Variants in EFCAB11 observed in about 807,000 individuals in gnomAD.
EFCAB11 encodes the protein EF-hand calcium binding domain 11.
A neutral mutation model predicts 23.0 loss-of-function variants in EFCAB11; 14 were observed. The observed-to-expected ratio is 0.61, with a 90% CI of 0.40 to 0.95. The LOEUF is 0.95. EFCAB11 is among the 40% of genes least tolerant of loss of function. The pLI is 0.00. For missense variants in EFCAB11, 198 were observed against 195.8 expected, an observed-to-expected ratio of 1.01 and a Z score of -0.07; for synonymous variants, 65 against 66.6, an observed-to-expected ratio of 0.98 and a Z score of 0.11.
intron 3 of EFCAB11, among the ~76,000 whole-genome samples, chr14:89,948,980 G>A (rs569949188): frequency 2.9e-4 from 44 of 152,152 alleles, no homozygotes; most frequent in African/African-American, 9.6e-4. Flanking sequence ...AACCAAAAGA[G>A]TATAATTGGA....
intron 5 of EFCAB11, among the ~76,000 whole-genome samples, chr14:89,910,013 T>C (rs1193799782): frequency 1.3e-5 from 2 of 152,220 alleles, no homozygotes; most frequent in Non-Finnish European, 2.9e-5. Context: ...CTTTCAGGAT[T>C]AACCATCTTG....
chr14:89,803,907 T>C (rs1200225843), intron 5 of EFCAB11, among the ~76,000 whole-genome samples: 1 of 152,106 alleles, frequency 6.6e-6, no homozygotes, highest in Non-Finnish European at 1.5e-5. Flanking sequence ...TTTTACCTTT[T>C]TAAAGACATG....
At chr14:89,843,688 C>A (rs1596396812) in intron 5 of EFCAB11, among the ~76,000 whole-genome samples, 1 of 152,190 alleles carries the variant, frequency 6.6e-6, no homozygotes, top group Non-Finnish European at 1.5e-5. Flanking sequence ...ATTGGGGCAT[C>A]TTATACTTGC....
chr14:89,870,824 T>G (rs1888245196), intron 5 of EFCAB11, among the ~76,000 whole-genome samples: 1 of 149,920 alleles, frequency 6.7e-6, no homozygotes, highest in Non-Finnish European at 1.5e-5. Context: ...GCCTGTAGTC[T>G]AGCTACTGGG....
chr14:89,924,606 G>A (rs1478921222), intron 5 of EFCAB11: 37 of 1,534,348 alleles, frequency 2.4e-5, no homozygotes, highest in Non-Finnish European at 3.2e-5. Context: ...TTGATGGCAG[G>A]CAAAGTCAAG....
chr14:89,805,255 C>G (rs781689677), intron 5 of EFCAB11, among the ~76,000 whole-genome samples: 6 of 152,116 alleles, frequency 3.9e-5, no homozygotes, highest in Non-Finnish European at 7.4e-5. Flanking sequence ...GGGAACAGAC[C>G]CCCACCCCAA....
At chr14:89,931,289 C>G (rs748027435) in intron 5 of EFCAB11, 2 of 431,148 alleles carry the variant, frequency 4.6e-6, no homozygotes, top group Middle Eastern at 1.2e-3. Context: ...CTCTCCTGCC[C>G]CTACTCATAA....
In EFCAB11 at chr14:89,833,953, A is replaced by G. The variant is rs554954655; in HGVS notation, c.411-36629T>C. Among the ~76,000 whole-genome samples the G allele has an allele frequency of 2.4e-4, 37 of 152,350 alleles. No individual in the cohort carries two copies. The South Asian group carries it at 7.2e-3, about 30-fold the overall frequency. On this transcript the variant is annotated intron_variant, in intron 5 of 5. Coordinates refer to ENST00000316738, the MANE Select transcript of EFCAB11 (RefSeq NM_145231.4). ...TAGCTACACCACTTCTGTTGCTAACATATAGCCATATTAGTTCTGAAATAA... is the reference window on the plus strand; with the variant it reads ...TAGCTACACCACTTCTGTTGCTAACGTATAGCCATATTAGTTCTGAAATAA...
In EFCAB11 at chr14:89,860,065, C is replaced by T. The variant is rs149738490; in HGVS notation, c.411-62741G>A. Among the ~76,000 whole-genome samples the T allele has an allele frequency of 3.5e-3, 539 of 152,186 alleles. 5 individuals are homozygous for T. The highest frequency in any genetic ancestry group is 0.012 in the African/African-American group (517 of 41,534). On this transcript the variant is annotated intron_variant, in intron 5 of 5. Coordinates refer to ENST00000316738, the MANE Select transcript of EFCAB11 (RefSeq NM_145231.4). ...TTTCCTTTATTGGCTCCTTTTAGGA[C>T]TAAAAGATATCTTCAGGGCCAGGTG...
chr14:89,870,995 A>G (rs765099557), intron 5 of EFCAB11, among the ~76,000 whole-genome samples: 1 of 152,202 alleles, frequency 6.6e-6, no homozygotes, highest in Non-Finnish European at 1.5e-5. Context: ...CCTTCTTGAT[A>G]TGAGCCCTGT....
At chr14:89,938,838 A>T (rs561975769) in intron 3 of EFCAB11, among the ~76,000 whole-genome samples, 7 of 151,828 alleles carry the variant, frequency 4.6e-5, no homozygotes, top group African/African-American at 1.7e-4. Context: ...CAGAAGAATC[A>T]CATGTTCACC....
chr14:89,843,181 C>T (rs1382384394), intron 5 of EFCAB11, among the ~76,000 whole-genome samples: 2 of 152,000 alleles, frequency 1.3e-5, no homozygotes, highest in African/African-American at 4.8e-5. Flanking sequence ...TTCAGGATTC[C>T]CTTATACTCT....
intron 1 of EFCAB11, chr14:89,954,383 G>A (rs571723855): frequency 1.3e-6 from 2 of 1,536,042 alleles, no homozygotes; most frequent in African/African-American, 1.4e-5. Context: ...AGAGAAAGGA[G>A]ATGGAACTTG....
At chr14:89,950,239 G>A (rs1891121799) in intron 2 of EFCAB11, 97 bp from the exon 3 acceptor site, 4 of 1,296,090 alleles carry the variant, frequency 3.1e-6, no homozygotes, top group Non-Finnish European at 2.1e-6. Flanking sequence ...TCTATTTTAT[G>A]AGAAACCAAG....
At chr14:89,843,255 AGAAAT>A (rs1887327953) in intron 5 of EFCAB11, among the ~76,000 whole-genome samples, 1 of 152,260 alleles carries the variant, frequency 6.6e-6, no homozygotes, top group African/African-American at 2.4e-5. Context: ...TTACTATACT[AGAAAT>A]GAATATTAAA....
intron 5 of EFCAB11, among the ~76,000 whole-genome samples, chr14:89,845,498 C>T (rs1359654188): frequency 6.6e-6 from 1 of 152,174 alleles, no homozygotes; most frequent in East Asian, 1.9e-4. Flanking sequence ...ACAGCAACCT[C>T]CTTGCACTTT....
In EFCAB11 at chr14:89,934,699, C is replaced by G. The variant is rs752345542; in HGVS notation, c.218-2072G>C. The stretch of plus-strand genomic sequence containing the variant: ...CATATTGATGCAGCTCCATTCTTAT[C>G]TAATTACCCTTGTGACAGAGAACAT... On this transcript the variant is annotated intron_variant, in intron 3 of 5. Transcript: ENST00000316738. Among the ~76,000 whole-genome samples the G allele has an allele frequency of 2.2e-4, 33 of 152,152 alleles. 1 individual carries two copies.
intron 3 of EFCAB11, among the ~76,000 whole-genome samples, chr14:89,933,406 T>TA (rs538970381): frequency 6.9e-6 from 1 of 144,576 alleles, no homozygotes; most frequent in Non-Finnish European, 1.5e-5. Flanking sequence ...AGAATTTCCA[T>TA]AAAAAAATTA....
chr14:89,882,680 A>G (rs1250305570), intron 5 of EFCAB11, among the ~76,000 whole-genome samples: 1 of 152,230 alleles, frequency 6.6e-6, no homozygotes, highest in Non-Finnish European at 1.5e-5. Context: ...TAGGAACAAG[A>G]AAAGGCCTGG....
Sources: allele counts gnomAD v4.1 joint callset (sites outside exome capture counted in the v4.1 genomes callset), GRCh38; gene constraint gnomAD v4.1.1; transcripts MANE v1.5; gene names NCBI Gene and HGNC (gene_info 2026-07-23, HGNC 2026-07-21).